ARSB: variants seen among roughly 807,000 people sequenced by gnomAD.
ARSB encodes N-acetylgalactosamine-4-sulfatase.
Under a neutral mutation model 50.9 loss-of-function variants are expected in ARSB, and 41 were observed. That is an observed-to-expected ratio of 0.81 (90% confidence interval 0.63 to 1.04). ARSB has a LOEUF of 1.04. Among genes scored for constraint, ARSB ranks in the 50% least tolerant of loss-of-function variants. The pLI is 0.00. For synonymous variants in ARSB, 269 were observed against 284.8 expected (o/e 0.94, Z 0.56); for missense variants, 672 against 693.3 (o/e 0.97, Z 0.35).
chr5:78,896,122 A>T (rs781523761), intron 4 of ARSB, among the ~76,000 whole-genome samples: 5 of 152,192 alleles, frequency 3.3e-5, no homozygotes, highest in Non-Finnish European at 7.3e-5. Flanking sequence ...GAGGCTTCTC[A>T]CACCACAGTG....
chr5:78,779,267 A>C lies in ARSB; in HGVS notation c.*1130T>G, dbSNP rs958219979. 6.6e-6 allele frequency: 1 copy of C among 152,076 alleles called. No homozygotes were observed. The highest frequency in any genetic ancestry group is 2.4e-5 in the African/African-American group (1 of 41,404). 9.4% of individuals were successfully genotyped at this position (152,076 alleles called of 1,614,324 possible). A position where few individuals can be genotyped will look rare whatever the true frequency, so the allele number is the denominator to read the frequency against. On this transcript the variant is annotated 3_prime_UTR_variant, in exon 8 of 8. Coordinates refer to ENST00000264914, the MANE Select transcript of ARSB (RefSeq NM_000046.5). ...TTGCCAGACCCCAGAACCTCAAAAC[A>C]AGCAGTAAAACAGAGAATAAGAGGA...
intron 6 of ARSB, among the ~76,000 whole-genome samples, chr5:78,800,112 G>C (rs910695647): frequency 6.6e-6 from 1 of 152,056 alleles, no homozygotes; most frequent in Non-Finnish European, 1.5e-5. Flanking sequence ...GAGGTCAGGA[G>C]TTCAAGACTA....
At chr5:78,866,672 A>T (rs1746760235) in intron 5 of ARSB, among the ~76,000 whole-genome samples, 1 of 152,204 alleles carries the variant, frequency 6.6e-6, no homozygotes, top group Non-Finnish European at 1.5e-5. Flanking sequence ...TGAGATGCTG[A>T]GAGAGGAGCA....
At chr5:78,793,508 G>T (rs1193628305) in intron 6 of ARSB, among the ~76,000 whole-genome samples, 1 of 152,146 alleles carries the variant, frequency 6.6e-6, no homozygotes, top group Non-Finnish European at 1.5e-5. Context: ...GTTGGTCAGT[G>T]AATTTCAGAA....
At chr5:78,815,844 T>C (rs1743964026) in intron 6 of ARSB, 1 of 1,350,166 alleles carries the variant, frequency 7.4e-7, no homozygotes, top group Non-Finnish European at 9.5e-7. Context: ...AAAGATATTT[T>C]GAAATAATAT....
chr5:78,826,943 G>T (rs1744455101), intron 6 of ARSB, among the ~76,000 whole-genome samples: 1 of 152,120 alleles, frequency 6.6e-6, no homozygotes, highest in African/African-American at 2.4e-5. Flanking sequence ...ACCTATGACA[G>T]GAAGTCCCAG....
chr5:78,983,449 ATC>A (rs1442035558), intron 1 of ARSB, among the ~76,000 whole-genome samples: 2 of 152,188 alleles, frequency 1.3e-5, no homozygotes, highest in Non-Finnish European at 2.9e-5. Flanking sequence ...TTCTTTTGCA[ATC>A]TGAGTTCAGT....
At chr5:78,896,008 G>A (rs1748543213) in intron 4 of ARSB, among the ~76,000 whole-genome samples, 1 of 152,160 alleles carries the variant, frequency 6.6e-6, no homozygotes, top group African/African-American at 2.4e-5. Flanking sequence ...GAGGAGCCGG[G>A]GGGCAGATGA....
At chr5:78,859,022 G>C (rs1463757125) in intron 5 of ARSB, among the ~76,000 whole-genome samples, 1 of 152,172 alleles carries the variant, frequency 6.6e-6, no homozygotes, top group Non-Finnish European at 1.5e-5. Flanking sequence ...ATTTAAACCA[G>C]ATCTAATCAA....
In ARSB at chr5:78,845,705, T is replaced by A. The variant is rs188792854; in HGVS notation, c.1143-6279A>T. Among the ~76,000 whole-genome samples the A allele has an allele frequency of 1.4e-4, 22 of 152,272 alleles. No individual in the cohort carries two copies. In the East Asian group the frequency reaches 4.2e-3, roughly 29 times the overall value. ...TTTTGAGAGGTGTCTATTCAGCTCA[T>A]TTACCCATTTTAAACTGGATTATTT... is the stretch of plus-strand genomic sequence containing the variant. On this transcript the variant is annotated intron_variant, in intron 5 of 7. Coordinates refer to ENST00000264914, the MANE Select transcript of ARSB (RefSeq NM_000046.5).
intron 4 of ARSB, among the ~76,000 whole-genome samples, chr5:78,895,885 T>C (rs987856880): frequency 1.3e-5 from 2 of 152,156 alleles, no homozygotes; most frequent in African/African-American, 2.4e-5. Flanking sequence ...CTAAAGGACA[T>C]GGCTGTGACC....
intron 6 of ARSB, among the ~76,000 whole-genome samples, chr5:78,813,568 G>T (rs1055262688): frequency 6.6e-6 from 1 of 151,946 alleles, no homozygotes; most frequent in African/African-American, 2.4e-5. Context: ...GACCAGCCTG[G>T]GCAGCAAAGT....
At chr5:78,955,889 T>C (rs955275103) in intron 3 of ARSB, among the ~76,000 whole-genome samples, 4 of 152,220 alleles carry the variant, frequency 2.6e-5, no homozygotes, top group African/African-American at 4.8e-5. Flanking sequence ...AGAACAAGTA[T>C]TGGTGAGGAT....
chr5:78,950,940 G>C (rs972078191), intron 4 of ARSB, among the ~76,000 whole-genome samples: 1 of 152,202 alleles, frequency 6.6e-6, no homozygotes, highest in South Asian at 2.1e-4. Flanking sequence ...GTGAACACAA[G>C]CGTAGAAATG....
At chr5:78,940,291 T>A (rs1050924087) in intron 4 of ARSB, among the ~76,000 whole-genome samples, 7 of 152,336 alleles carry the variant, frequency 4.6e-5, no homozygotes, top group African/African-American at 1.7e-4. Flanking sequence ...TTTAATTAGA[T>A]CCCATTTGTC....
rs144949721 is a variant in ARSB, at chr5:78,896,222, C to T, written c.899-10395G>A. Among the ~76,000 whole-genome samples, 12 of 152,178 alleles carry T rather than the reference C, an allele frequency of 7.9e-5. No homozygotes were observed. In the South Asian group the frequency reaches 1.5e-3, roughly 18 times the overall value. ...GCACAGAGATGGTCCAAAGAGTCTCCGCAGGCAAGGAGGTCGCAGCATGAT... is the reference window on the plus strand; with the variant it reads ...GCACAGAGATGGTCCAAAGAGTCTCTGCAGGCAAGGAGGTCGCAGCATGAT... On this transcript the variant is annotated intron_variant, in intron 4 of 7. Coordinates refer to ENST00000264914, the MANE Select transcript of ARSB (RefSeq NM_000046.5).
intron 5 of ARSB, among the ~76,000 whole-genome samples, chr5:78,879,709 G>A (rs1470084861): frequency 6.6e-6 from 1 of 152,218 alleles, no homozygotes; most frequent in African/African-American, 2.4e-5. Context: ...CTTTGGAAAA[G>A]ACACAACAGA....
intron 3 of ARSB, among the ~76,000 whole-genome samples, chr5:78,960,482 C>T (rs968663842): frequency 6.6e-6 from 1 of 152,174 alleles, no homozygotes; most frequent in African/African-American, 2.4e-5. Flanking sequence ...TAGAAATTAA[C>T]ATTTTCTTTA....
chr5:78,788,452 CT>C (rs988834275), intron 6 of ARSB, among the ~76,000 whole-genome samples: 2 of 152,164 alleles, frequency 1.3e-5, no homozygotes, highest in African/African-American at 4.8e-5. Flanking sequence ...CTGGAAGTAA[CT>C]CAGAAGTTGT....
Sources: gnomAD v4.1 joint callset for allele counts (sites outside exome capture counted in the v4.1 genomes callset) on GRCh38, gnomAD v4.1.1 for gene constraint, MANE v1.5 for transcripts, NCBI Gene and HGNC (gene_info 2026-07-23, HGNC 2026-07-21) for gene names.